Variants in TRDN observed in about 807,000 individuals in gnomAD.
The protein encoded by TRDN is triadin.
TRDN carries 161 observed loss-of-function variants against 149.7 expected under a neutral mutation model. That is an observed-to-expected ratio of 1.08 (90% CI 0.95 to 1.23). The LOEUF (loss-of-function observed/expected upper bound fraction) is 1.23, where lower values mean the gene tolerates loss of function less well. TRDN is among the 50% of genes most tolerant of loss of function. The pLI is 0.00. For synonymous variants in TRDN, 294 were observed against 250.5 expected, an observed-to-expected ratio of 1.17 and a Z score of -1.64; for missense variants, 896 against 823.5, an observed-to-expected ratio of 1.09 and a Z score of -1.08.
At position 123,557,681 on chromosome 6, in the gene TRDN, C is replaced by T. The variant is rs138623268; in HGVS notation, c.233-9069G>A. 3.1e-3 allele frequency among the ~76,000 whole-genome samples: 476 copies of T among 152,194 alleles called. 1 individual carries two copies. Among genetic ancestry groups the T allele is most frequent in the African/African-American group, 0.011 (451 of 41,520 alleles). On this transcript the variant is annotated intron_variant, in intron 2 of 40. Transcript: ENST00000334268. The stretch of plus-strand genomic sequence containing the variant: ...CCCACGTTTCAGAGGTGTGTGACCA[C>T]GTGGGAACGCCTGTCTTGGTCCTTC...
chr6:123,305,662 T>C (rs1392651535), intron 24 of TRDN, among the ~76,000 whole-genome samples: 2 of 152,174 alleles, frequency 1.3e-5, no homozygotes, highest in Non-Finnish European at 2.9e-5. Flanking sequence ...CCTTGAGATG[T>C]TGGAACAAGA....
chr6:123,380,103 C>A (rs1178630187), intron 16 of TRDN, among the ~76,000 whole-genome samples: 3 of 152,062 alleles, frequency 2.0e-5, no homozygotes, highest in Non-Finnish European at 2.9e-5. Context: ...TTGAAAAGAA[C>A]TGATAGGTGT....
chr6:123,592,095 T>C (rs2114622037), intron 1 of TRDN, among the ~76,000 whole-genome samples: 1 of 152,324 alleles, frequency 6.6e-6, no homozygotes, highest in East Asian at 1.9e-4. Flanking sequence ...CTCATCCTGC[T>C]CGTCCAAATA....
At chr6:123,533,989 A>G (rs961463161) in intron 4 of TRDN, among the ~76,000 whole-genome samples, 11 of 152,152 alleles carry the variant, frequency 7.2e-5, no homozygotes, top group Admixed American at 3.3e-4. Context: ...TCAGTCTCAC[A>G]GGGAAAGCCT....
chr6:123,388,399 G>A, intron 14 of TRDN, 123 bp downstream of exon 14: 2 of 1,111,580 alleles, frequency 1.8e-6, no homozygotes, highest in Admixed American at 2.0e-5. Context: ...CATGCAAAAT[G>A]TATGCACATA....
intron 24 of TRDN, among the ~76,000 whole-genome samples, chr6:123,283,246 A>C (rs1303783360): frequency 6.6e-6 from 1 of 151,980 alleles, no homozygotes; most frequent in Admixed American, 6.6e-5. Context: ...CAAGATGGAC[A>C]TTTAAAAATT....
chr6:123,478,509 C>T (rs1042996733), intron 9 of TRDN, among the ~76,000 whole-genome samples: 6 of 151,900 alleles, frequency 3.9e-5, no homozygotes, highest in Admixed American at 6.6e-5. Context: ...ATCATATTTG[C>T]GTATAGGTAA....
At chr6:123,274,319 G>A (rs1777300318) in intron 27 of TRDN, among the ~76,000 whole-genome samples, 1 of 151,894 alleles carries the variant, frequency 6.6e-6, no homozygotes, top group South Asian at 2.1e-4. Flanking sequence ...TAAAAACAAA[G>A]CCACCAGAAT....
intron 9 of TRDN, among the ~76,000 whole-genome samples, chr6:123,481,965 T>C (rs1289751634): frequency 6.6e-6 from 1 of 152,204 alleles, no homozygotes; most frequent in Non-Finnish European, 1.5e-5. Flanking sequence ...TTGGCACTTT[T>C]TAATCACTCT....
chr6:123,260,376 A>G (rs1389058606), intron 34 of TRDN, among the ~76,000 whole-genome samples: 1 of 152,072 alleles, frequency 6.6e-6, no homozygotes, highest in Non-Finnish European at 1.5e-5. Flanking sequence ...AAAAGTGAGA[A>G]GAAAAACAAT....
At chr6:123,557,176 C>T (rs970451732) in intron 2 of TRDN, among the ~76,000 whole-genome samples, 7 of 152,140 alleles carry the variant, frequency 4.6e-5, no homozygotes, top group South Asian at 2.1e-4. Flanking sequence ...AGACTCAGCC[C>T]GCCTGCACCC....
intron 32 of TRDN, among the ~76,000 whole-genome samples, chr6:123,266,386 ATATT>A (rs1776976942): frequency 9.0e-6 from 1 of 110,824 alleles, no homozygotes; most frequent in African/African-American, 3.9e-5. Flanking sequence ...TATAATATAT[ATATT>A]ATGATATGTA....
chr6:123,250,312 C>T (rs942748901), intron 38 of TRDN, among the ~76,000 whole-genome samples: 3 of 151,786 alleles, frequency 2.0e-5, no homozygotes, highest in African/African-American at 7.3e-5. Flanking sequence ...GGCCACAAAG[C>T]ACAGCTATTT....
At chr6:123,262,702 A>G (rs1190316152) in intron 33 of TRDN, among the ~76,000 whole-genome samples, 1 of 152,034 alleles carries the variant, frequency 6.6e-6, no homozygotes, top group African/African-American at 2.4e-5. Flanking sequence ...TGCTTCCTTC[A>G]CATTTCTGTG....
intron 32 of TRDN, among the ~76,000 whole-genome samples, chr6:123,266,837 G>A (rs1374435384): frequency 7.4e-6 from 1 of 135,836 alleles, no homozygotes; most frequent in Admixed American, 8.4e-5. Context: ...GATAATGCTA[G>A]AAGGATACTT....
intron 5 of TRDN, among the ~76,000 whole-genome samples, chr6:123,521,465 G>A (rs535917684): frequency 3.0e-4 from 45 of 152,116 alleles, no homozygotes; most frequent in African/African-American, 1.1e-3. Context: ...GCAGGAATTG[G>A]AGAACTTCAT....
At chr6:123,350,376 A>G in intron 21 of TRDN, 1 of 894,506 alleles carries the variant, frequency 1.1e-6, no homozygotes, top group Non-Finnish European at 1.3e-6. Flanking sequence ...ATTAAGAGTA[A>G]CAAAAATCAT....
chr6:123,517,612 C>T (rs1485786613), intron 5 of TRDN, among the ~76,000 whole-genome samples: 1 of 152,032 alleles, frequency 6.6e-6, no homozygotes, highest in Non-Finnish European at 1.5e-5. Flanking sequence ...AAGAATTTCT[C>T]CTTGAACTTT....
At chr6:123,362,177 C>A (rs1780933669) in intron 20 of TRDN, among the ~76,000 whole-genome samples, 1 of 152,138 alleles carries the variant, frequency 6.6e-6, no homozygotes, top group Admixed American at 6.5e-5. Context: ...TTGTGAAATT[C>A]CACTGAATAT....
Sources: allele counts gnomAD v4.1 joint callset (sites outside exome capture counted in the v4.1 genomes callset), GRCh38; gene constraint gnomAD v4.1.1; transcripts MANE v1.5; gene names NCBI Gene and HGNC (gene_info 2026-07-23, HGNC 2026-07-21).